The following CHRM3 variants were observed in gnomAD, a reference collection of about 807,000 sequenced individuals.
CHRM3 encodes the protein cholinergic receptor muscarinic 3.
Under a neutral mutation model 41.8 loss-of-function variants are expected in CHRM3, and 11 were observed. That is an observed-to-expected ratio of 0.26 (90% CI 0.17 to 0.44). CHRM3 has a LOEUF of 0.44. Among genes scored for constraint, CHRM3 ranks in the 20% least tolerant of loss-of-function variants. The probability of loss-of-function intolerance (pLI) is 1.00; values close to 1 mark genes in which losing one functional copy is unlikely to be tolerated. For missense variants in CHRM3, 571 were observed against 745.4 expected (o/e 0.77, Z 2.72); for synonymous variants, 297 against 301.4 (o/e 0.99, Z 0.15).
chr1:239,787,426 A>G (rs1481509204), intron 5 of CHRM3, among the ~76,000 whole-genome samples: 2 of 151,984 alleles, frequency 1.3e-5, no homozygotes, highest in Non-Finnish European at 2.9e-5. Context: ...TAGAAGCTTG[A>G]AAGAAGCCAG....
At chr1:239,787,497 A>T (rs2148838497) in intron 5 of CHRM3, among the ~76,000 whole-genome samples, 1 of 152,288 alleles carries the variant, frequency 6.6e-6, no homozygotes, top group East Asian at 1.9e-4. Flanking sequence ...TCCCAGTGGC[A>T]GGAAAGATCA....
intron 5 of CHRM3, among the ~76,000 whole-genome samples, chr1:239,678,699 G>A (rs768646506): frequency 8.5e-5 from 13 of 152,144 alleles, no homozygotes; most frequent in Non-Finnish European, 1.6e-4. Context: ...CCCCAAATTA[G>A]TCCAGGCTTA....
At chr1:239,638,011 T>C (rs1339457680) in intron 4 of CHRM3, among the ~76,000 whole-genome samples, 1 of 148,426 alleles carries the variant, frequency 6.7e-6, no homozygotes, top group Non-Finnish European at 1.5e-5. Context: ...GAACGTGCAG[T>C]GTTTGGTTTT....
intron 2 of CHRM3, among the ~76,000 whole-genome samples, chr1:239,530,369 G>A (rs1386246703): frequency 6.6e-6 from 1 of 152,030 alleles, no homozygotes; most frequent in Non-Finnish European, 1.5e-5. Flanking sequence ...TATATTGCTC[G>A]ATCCATTAAA....
At chr1:239,568,308 G>A (rs1182083054) in intron 3 of CHRM3, among the ~76,000 whole-genome samples, 2 of 152,074 alleles carry the variant, frequency 1.3e-5, no homozygotes, top group East Asian at 3.9e-4. Context: ...TTGAATCATG[G>A]GAGTGGTTTC....
intron 6 of CHRM3, among the ~76,000 whole-genome samples, chr1:239,861,712 A>G (rs1038761095): frequency 6.6e-6 from 1 of 152,148 alleles, no homozygotes; most frequent in Non-Finnish European, 1.5e-5. Context: ...AAGAGGTGAA[A>G]GGCTATCTCT....
At chr1:239,628,740 G>C (rs1315689719) in intron 3 of CHRM3, among the ~76,000 whole-genome samples, 1 of 44,898 alleles carries the variant, frequency 2.2e-5, no homozygotes, top group Non-Finnish European at 3.8e-5. Context: ...CTCAGCTGCA[G>C]GTCTGTTGGA....
At chr1:239,477,133 T>A (rs1483430849) in intron 1 of CHRM3, among the ~76,000 whole-genome samples, 1 of 152,224 alleles carries the variant, frequency 6.6e-6, no homozygotes, top group Non-Finnish European at 1.5e-5. Flanking sequence ...GCGAACAGAA[T>A]AATAGTGAAT....
chr1:239,790,314 C>T (rs1385250358), intron 5 of CHRM3, among the ~76,000 whole-genome samples: 12 of 152,246 alleles, frequency 7.9e-5, no homozygotes, highest in Admixed American at 4.6e-4. Context: ...TTGGCTGTGT[C>T]GCCACCAAAT....
chr1:239,660,880 C>T (rs1213494679), intron 4 of CHRM3, among the ~76,000 whole-genome samples: 1 of 151,950 alleles, frequency 6.6e-6, no homozygotes, highest in African/African-American at 2.4e-5. Context: ...GACTCTGTCT[C>T]CAAAATAATA....
chr1:239,535,670 C>T (rs958188972), intron 2 of CHRM3, among the ~76,000 whole-genome samples: 1 of 151,502 alleles, frequency 6.6e-6, no homozygotes, highest in South Asian at 2.1e-4. Context: ...TTTGTTTTTC[C>T]CTTATCCATA....
chr1:239,638,095 C>A (rs1211034079), intron 4 of CHRM3, among the ~76,000 whole-genome samples: 1 of 151,542 alleles, frequency 6.6e-6, no homozygotes, highest in East Asian at 2.0e-4. Flanking sequence ...CATGAACTCA[C>A]CATTTTTTAT....
chr1:239,406,472 T>A (rs1660603869), intron 1 of CHRM3, among the ~76,000 whole-genome samples: 1 of 152,200 alleles, frequency 6.6e-6, no homozygotes, highest in African/African-American at 2.4e-5. Context: ...AAATGAACTA[T>A]GAACCAAAGT....
rs1668219995 is a variant in CHRM3, at chr1:239,620,351, CTG to C, written c.-312-11869_-312-11868del. ...TTTTCAGTCCGCCTTTGGTGCAAGA[CTG>C]TGTTTGAGACCCAAGAGATAATAAA... On this transcript the variant is annotated intron_variant, in intron 3 of 6. Coordinates refer to ENST00000676153, the MANE Select transcript of CHRM3 (RefSeq NM_001375978.1). Among the ~76,000 whole-genome samples the C allele has an allele frequency of 2.6e-5, 4 of 152,290 alleles. No individual in the cohort carries two copies. The South Asian group carries it at 8.3e-4, about 32-fold the overall frequency.
intron 1 of CHRM3, among the ~76,000 whole-genome samples, chr1:239,411,390 C>T (rs1363557025): frequency 2.0e-5 from 3 of 151,718 alleles, no homozygotes; most frequent in Non-Finnish European, 2.9e-5. Context: ...AAGTTAGATA[C>T]AGTTTCTAAC....
chr1:239,787,205 C>T (rs866711322), intron 5 of CHRM3, among the ~76,000 whole-genome samples: 3 of 152,312 alleles, frequency 2.0e-5, no homozygotes, highest in Middle Eastern at 3.4e-3. Context: ...TTTCTGAAGT[C>T]TGCAATGCCA....
At chr1:239,485,298 C>A (rs201084540) in intron 1 of CHRM3, among the ~76,000 whole-genome samples, 24 of 151,722 alleles carry the variant, frequency 1.6e-4, no homozygotes, top group South Asian at 4.2e-4. Flanking sequence ...CTGGCAAAAT[C>A]TTATTATTAT....
At chr1:239,512,967 A>G (rs558726176) in intron 2 of CHRM3, among the ~76,000 whole-genome samples, 1 of 152,172 alleles carries the variant, frequency 6.6e-6, no homozygotes, top group Non-Finnish European at 1.5e-5. Context: ...CAAGCCAGGC[A>G]TGCATTTGAG....
Position 239,794,571 on chromosome 1 carries a change from T to A in CHRM3, c.-146-32681T>A, listed in dbSNP as rs1222865538. Among the ~76,000 whole-genome samples the A allele has an allele frequency of 3.3e-5, 5 of 152,284 alleles. No individual in the cohort carries two copies. In the East Asian group the frequency reaches 9.6e-4, roughly 29 times the overall value. Reference sequence around the variant, plus strand: ...GTCCTGCATTTTGTTTTAGCTTCTGTCAGTTGGGTACTTTCTACATAATCT... The same window carrying A: ...GTCCTGCATTTTGTTTTAGCTTCTGACAGTTGGGTACTTTCTACATAATCT... On this transcript the variant is annotated intron_variant, in intron 5 of 6. Coordinates refer to ENST00000676153, the MANE Select transcript of CHRM3 (RefSeq NM_001375978.1).
Sources: gnomAD v4.1 joint callset for allele counts (sites outside exome capture counted in the v4.1 genomes callset) on GRCh38, gnomAD v4.1.1 for gene constraint, MANE v1.5 for transcripts, NCBI Gene and HGNC (gene_info 2026-07-23, HGNC 2026-07-21) for gene names.